IMMP2L: variants seen among roughly 807,000 people sequenced by gnomAD.
IMMP2L encodes the protein mitochondrial inner membrane protease subunit 2.
In IMMP2L, 18 loss-of-function variants were observed where a neutral mutation model predicts 19.3. The ratio of observed to expected loss-of-function variants is 0.93; its 90% CI spans 0.64 to 1.38. The LOEUF (loss-of-function observed/expected upper bound fraction) is 1.38. Among genes scored for constraint, IMMP2L ranks in the 40% most tolerant of loss-of-function variants. The pLI, the probability that IMMP2L is intolerant of heterozygous loss-of-function variation, is 0.00. For missense variants in IMMP2L, 233 were observed against 218.2 expected (o/e 1.07, Z -0.43); for synonymous variants, 76 against 73.0 (o/e 1.04, Z -0.21).
At chr7:110,748,320 GC>G (rs1797495716) in intron 5 of IMMP2L, among the ~76,000 whole-genome samples, 1 of 152,084 alleles carries the variant, frequency 6.6e-6, no homozygotes, top group African/African-American at 2.4e-5. Flanking sequence ...TGGCCATACT[GC>G]CCTAAGTAAT....
chr7:111,311,466 C>T (rs1276867006), intron 3 of IMMP2L, among the ~76,000 whole-genome samples: 1 of 152,082 alleles, frequency 6.6e-6, no homozygotes, highest in Non-Finnish European at 1.5e-5. Flanking sequence ...GTATGGTAAT[C>T]CCTGAAATAA....
intron 3 of IMMP2L, among the ~76,000 whole-genome samples, chr7:111,069,170 A>C (rs1425277476): frequency 6.6e-6 from 1 of 152,232 alleles, no homozygotes; most frequent in African/African-American, 2.4e-5. Flanking sequence ...TAAAGCAAAC[A>C]GATTCCTTCC....
chr7:111,463,792 C>T (rs1840361176), intron 3 of IMMP2L, among the ~76,000 whole-genome samples: 1 of 152,200 alleles, frequency 6.6e-6, no homozygotes, highest in South Asian at 2.1e-4. Flanking sequence ...ATTAAACTCT[C>T]TTCATTGTCC....
chr7:110,829,243 G>C (rs762363141), intron 5 of IMMP2L, among the ~76,000 whole-genome samples: 2 of 152,144 alleles, frequency 1.3e-5, no homozygotes, highest in Non-Finnish European at 2.9e-5. Flanking sequence ...AGAAAATGTA[G>C]ATGGAAGACT....
chr7:110,732,801 T>TC (rs1760213969), intron 5 of IMMP2L, among the ~76,000 whole-genome samples: 1 of 151,792 alleles, frequency 6.6e-6, no homozygotes, highest in African/African-American at 2.4e-5. Context: ...TCTTTTTTTT[T>TC]TTTTTTGAGA....
intron 4 of IMMP2L, among the ~76,000 whole-genome samples, chr7:110,925,914 G>T (rs1814798378): frequency 6.6e-6 from 1 of 151,894 alleles, no homozygotes; most frequent in African/African-American, 2.4e-5. Context: ...CATAGTATAA[G>T]ACCTAATTTA....
At chr7:110,950,261 C>A (rs1023195031) in intron 4 of IMMP2L, among the ~76,000 whole-genome samples, 1 of 152,054 alleles carries the variant, frequency 6.6e-6, no homozygotes, top group African/African-American at 2.4e-5. Flanking sequence ...TCTCAAAGAT[C>A]AATTGACTGT....
chr7:111,561,262 C>T (rs1792009321), intron 1 of IMMP2L, among the ~76,000 whole-genome samples: 1 of 152,138 alleles, frequency 6.6e-6, no homozygotes, highest in African/African-American at 2.4e-5. Flanking sequence ...CCAGGAGGTA[C>T]CAAGAGTGAA....
At chr7:110,863,776 A>C (rs889868183) in intron 5 of IMMP2L, among the ~76,000 whole-genome samples, 3 of 152,104 alleles carry the variant, frequency 2.0e-5, no homozygotes, top group African/African-American at 7.2e-5. Flanking sequence ...AGGTATTTTG[A>C]ATGTATTTCA....
chr7:111,521,353 C>A lies in IMMP2L; in HGVS notation c.95G>T (p.Arg32Leu), dbSNP rs761147215. The change falls in exon 2 of 6, where the codon CGG becomes CTG. Residue 32 changes from arginine (R) to leucine (L), a missense_variant. Arg to Leu is a moderately radical substitution (Grantham distance 102). Coordinates refer to ENST00000405709, the MANE Select transcript of IMMP2L (RefSeq NM_032549.4). ...TTCTACTCTTGCCACACAGGCGACC[C>A]GATCCAAGAAAGTCACTGCCACAGG... The part of the protein sequence containing the change: ...AVPVAVTFLD[R>L]VACVARVEGA... 6.2e-7 allele frequency: 1 copy of A among 1,613,178 alleles called. No individual in the cohort carries two copies.
At chr7:111,156,702 G>A (rs193145220) in intron 3 of IMMP2L, among the ~76,000 whole-genome samples, 10 of 151,622 alleles carry the variant, frequency 6.6e-5, no homozygotes, top group South Asian at 4.2e-4. Flanking sequence ...TATTAATGTC[G>A]TCTTTTAAAA....
intron 3 of IMMP2L, chr7:111,124,663 G>A: frequency 1.2e-6 from 2 of 1,613,848 alleles, no homozygotes; most frequent in Non-Finnish European, 1.7e-6. Flanking sequence ...AACACTTATG[G>A]CCTGTCTTGG....
chr7:111,298,801 A>G (rs759911598), intron 3 of IMMP2L, among the ~76,000 whole-genome samples: 2 of 151,940 alleles, frequency 1.3e-5, no homozygotes, highest in Non-Finnish European at 2.9e-5. Context: ...AAGGATATAC[A>G]TATATCTAAA....
At chr7:111,159,340 T>G (rs1804999421) in intron 3 of IMMP2L, among the ~76,000 whole-genome samples, 1 of 152,080 alleles carries the variant, frequency 6.6e-6, no homozygotes, top group African/African-American at 2.4e-5. Flanking sequence ...GATTTCGAAC[T>G]CCTGACCTCA....
At chr7:110,949,484 T>A (rs1817573963) in intron 4 of IMMP2L, among the ~76,000 whole-genome samples, 1 of 152,174 alleles carries the variant, frequency 6.6e-6, no homozygotes, top group Non-Finnish European at 1.5e-5. Context: ...ATTTCCAAGT[T>A]AAGGAAATGA....
At chr7:110,751,486 T>G (rs1195970600) in intron 5 of IMMP2L, among the ~76,000 whole-genome samples, 1 of 151,860 alleles carries the variant, frequency 6.6e-6, no homozygotes, top group Non-Finnish European at 1.5e-5. Context: ...GATGAAACAT[T>G]CATAAAAAAC....
intron 3 of IMMP2L, among the ~76,000 whole-genome samples, chr7:111,143,169 A>C (rs1803118014): frequency 6.6e-6 from 1 of 152,224 alleles, no homozygotes; most frequent in Non-Finnish European, 1.5e-5. Flanking sequence ...ATTTTATTAC[A>C]CAATGAGAAG....
chr7:110,896,843 G>C (rs1012579703), intron 4 of IMMP2L, among the ~76,000 whole-genome samples: 3 of 151,494 alleles, frequency 2.0e-5, no homozygotes, highest in African/African-American at 4.9e-5. Context: ...GTCTCGCTTC[G>C]TTGCTCAGGC....
intron 3 of IMMP2L, among the ~76,000 whole-genome samples, chr7:111,307,690 TAC>T (rs1229773006): frequency 6.6e-6 from 1 of 151,802 alleles, no homozygotes; most frequent in African/African-American, 2.4e-5. Context: ...ATTCATAATT[TAC>T]AGTTTGTTTT....
Sources: gnomAD v4.1 joint callset for allele counts (sites outside exome capture counted in the v4.1 genomes callset) on GRCh38, gnomAD v4.1.1 for gene constraint, MANE v1.5 for transcripts, NCBI Gene and HGNC (gene_info 2026-07-23, HGNC 2026-07-21) for gene names.